Variants in NEURL1B observed in about 807,000 individuals in gnomAD.
NEURL1B encodes E3 ubiquitin-protein ligase NEURL1B.
Under a neutral mutation model 37.4 loss-of-function variants are expected in NEURL1B, and 13 were observed. The ratio of observed to expected loss-of-function variants is 0.35; its 90% CI spans 0.23 to 0.55. The LOEUF is 0.55. NEURL1B is among the 20% of genes least tolerant of loss of function. The pLI is 0.89. For missense variants in NEURL1B, 790 were observed against 879.2 expected (o/e 0.90, Z 1.28); for synonymous variants, 432 against 426.6 (o/e 1.01, Z -0.16).
In NEURL1B at chr5:172,684,082, C is replaced by A; in HGVS notation, c.1241C>A (p.Ala414Glu). The stretch of plus-strand genomic sequence containing the variant: ...CTGCTGTGCGTCGACACCACGCAGG[C>A]GCTCTGGGCCTTCTTCGCCGTGCGC... ...GRLLCVDTTQALWAFFAVRGG... is the reference protein window; with the variant it reads ...GRLLCVDTTQELWAFFAVRGG... The change falls in exon 3 of 5, where the codon GCG becomes GAG. Residue 414 changes from alanine to glutamate, a missense_variant. By Grantham distance (107) the Ala-to-Glu change is moderately radical. Coordinates refer to ENST00000369800, the MANE Select transcript of NEURL1B (RefSeq NM_001142651.3). 1 of 1,295,200 alleles carries A rather than the reference C, an allele frequency of 7.7e-7. No homozygotes were observed. The highest frequency in any genetic ancestry group is 2.1e-5 in the South Asian group (1 of 46,528). 80.2% of individuals were successfully genotyped at this position (1,295,200 alleles called of 1,614,324 possible).
At chr5:172,663,829 T>TTTATTATTATTATTATTA (rs60738970) in intron 1 of NEURL1B, among the ~76,000 whole-genome samples, 321 of 140,838 alleles carry the variant, frequency 2.3e-3, no homozygotes, top group South Asian at 3.1e-3. Flanking sequence ...GTTTTATTTG[T>TTTATTATTATTATTATTA]TTATTATTAT....
At position 172,673,176 on chromosome 5, in the gene NEURL1B, G is replaced by A. The variant is rs143731313; in HGVS notation, c.577+2846G>A. Among the ~76,000 whole-genome samples, 38 of 152,266 alleles carry A rather than the reference G, an allele frequency of 2.5e-4. No individual in the cohort carries two copies. In the East Asian group the frequency reaches 5.4e-3, roughly 22 times the overall value. On this transcript the variant is annotated intron_variant, in intron 2 of 4. Coordinates refer to ENST00000369800, the MANE Select transcript of NEURL1B (RefSeq NM_001142651.3). The stretch of plus-strand genomic sequence containing the variant: ...AAATAAGCTAAGCAGTCATGATTTT[G>A]TATGGTTTAAGTACAGGAGACAAAT...
rs1375403653 is a variant in NEURL1B, at chr5:172,686,322, G to A, written c.1423+26G>A. ...GTAAGGAAATGCAAACCCTGGCAGGGGCAGGGGCTGGCGGCTGGCCTGGCT... is the reference window on the plus strand; with the variant it reads ...GTAAGGAAATGCAAACCCTGGCAGGAGCAGGGGCTGGCGGCTGGCCTGGCT... On this transcript the variant is annotated intron_variant, in intron 4 of 4. Transcript: ENST00000369800. This position sits in a 1 kb window ranked among gnomAD's most constrained non-coding sequence, Gnocchi z 7.9. 1.9e-6 allele frequency: 3 copies of A among 1,550,100 alleles called. No individual in the cohort carries two copies. Among genetic ancestry groups the A allele is most frequent in the Non-Finnish European group, 1.7e-6 (2 of 1,146,214 alleles).
chr5:172,672,545 C>CCG lies in NEURL1B; in HGVS notation c.577+2216_577+2217insGC, dbSNP rs887977714. ...TAAATCTGTGAGGTGAACTCTCCCC[C>CCG]CCCCACTCTATTTCCTTATTCAGCA... On this transcript the variant is annotated intron_variant, in intron 2 of 4. Transcript: ENST00000369800. Among the ~76,000 whole-genome samples the CCG allele has an allele frequency of 2.7e-3, 349 of 130,736 alleles. 3 individuals are homozygous for CCG. The highest frequency in any genetic ancestry group is 7.8e-3 in the African/African-American group (298 of 38,046). 85.8% of individuals were successfully genotyped at this position (130,736 alleles called of 152,430 possible).
At chr5:172,674,737 C>T (rs907961920) in intron 2 of NEURL1B, among the ~76,000 whole-genome samples, 25 of 152,160 alleles carry the variant, frequency 1.6e-4, no homozygotes, top group African/African-American at 4.8e-4. Context: ...TCAAGTTCTT[C>T]GGACGCCTCT....
intron 1 of NEURL1B, among the ~76,000 whole-genome samples, chr5:172,646,732 AG>A (rs951907978): frequency 1.3e-5 from 2 of 152,180 alleles, no homozygotes; most frequent in Non-Finnish European, 1.5e-5. Context: ...CAGAAGATGC[AG>A]GGGAGGCTTC....
rs1025941149 is a variant in NEURL1B, at chr5:172,691,049, T to G, written c.*4124T>G. ...TGGCATTTCTCGGTATTTAACTGTC[T>G]CGCTGTCTTATCCGAGTCCCTAATG... is the stretch of plus-strand genomic sequence containing the variant. On this transcript the variant is annotated 3_prime_UTR_variant, in exon 5 of 5. Transcript: ENST00000369800. The G allele has an allele frequency of 1.3e-5, 2 of 152,186 alleles. No individual in the cohort carries two copies. The highest frequency in any genetic ancestry group is 2.9e-5 in the Non-Finnish European group (2 of 68,052). The allele number at this position is 152,186 out of a possible 1,614,324, so 9.4% of individuals were successfully genotyped here.
At chr5:172,677,399 C>T (rs530675622) in intron 2 of NEURL1B, among the ~76,000 whole-genome samples, 4 of 152,122 alleles carry the variant, frequency 2.6e-5, no homozygotes, top group Non-Finnish European at 5.9e-5. Flanking sequence ...TCCCACTGTT[C>T]TGCCCTCTTT....
intron 1 of NEURL1B, among the ~76,000 whole-genome samples, chr5:172,645,285 C>G (rs1233604573): frequency 6.6e-6 from 1 of 152,196 alleles, no homozygotes; most frequent in Non-Finnish European, 1.5e-5. Flanking sequence ...CCTACGTGGA[C>G]AGTCTGTAAG....
At chr5:172,667,097 C>T (rs1758029694) in intron 1 of NEURL1B, among the ~76,000 whole-genome samples, 3 of 151,866 alleles carry the variant, frequency 2.0e-5, no homozygotes, top group Admixed American at 2.0e-4. Flanking sequence ...TATCTCCCTA[C>T]CCTGTCCTTA....
rs563820368 is a variant in NEURL1B at position 172,686,771 on chromosome 5, T to G, written c.1514T>G (p.Val505Gly). Residue 505 changes from valine to glycine, a missense_variant, in exon 5 of 5, where the codon GTG becomes GGG. By Grantham distance (109) the Val-to-Gly change is moderately radical. This residue lies in a region of NEURL1B where 115 missense variants were observed against 162.6 expected (regional missense o/e 0.71). Transcript: ENST00000369800. The surrounding 1 kb of genome is among the most constrained non-coding windows in gnomAD (Gnocchi z 7.9). ...PAGIKNGECTVCFDGEVDTVI... is the reference protein window; with the variant it reads ...PAGIKNGECTGCFDGEVDTVI... ...GGCATCAAGAATGGCGAGTGCACGG[T>G]GTGCTTCGATGGCGAGGTGGACACG... 6.4e-7 allele frequency: 1 copy of G among 1,551,622 alleles called. No individual in the cohort carries two copies. The highest frequency in any genetic ancestry group is 8.7e-7 in the Non-Finnish European group (1 of 1,147,120).
At chr5:172,670,571 C>T (rs1758109090) in intron 2 of NEURL1B, among the ~76,000 whole-genome samples, 1 of 152,234 alleles carries the variant, frequency 6.6e-6, no homozygotes, top group African/African-American at 2.4e-5. Context: ...GATTGGAACC[C>T]ACATGGTTTG....
chr5:172,670,003 C>T lies in NEURL1B; in HGVS notation c.250C>T (p.Leu84=). The change falls in exon 2 of 5, where the codon CTG becomes TTG. Residue 84 remains leucine (L), a synonymous_variant. Transcript: ENST00000369800. ...RPIRLYEQVR[L]RLVAVRPGWS... ...CATCCGGCTGTACGAGCAGGTGCGG[C>T]TGCGCCTGGTGGCCGTGCGCCCTGG... 1.3e-6 allele frequency: 2 copies of T among 1,483,768 alleles called. No homozygotes were observed. The highest frequency in any genetic ancestry group is 1.8e-6 in the Non-Finnish European group (2 of 1,122,978). 91.9% of individuals were successfully genotyped at this position (1,483,768 alleles called of 1,614,324 possible).
At position 172,688,460 on chromosome 5, in the gene NEURL1B, A is replaced by C. The variant is rs1758559086; in HGVS notation, c.*1535A>C. The stretch of plus-strand genomic sequence containing the variant: ...GAGGGAGAGGAAGGCAGGGGAGTTG[A>C]TGCATTCATATAACAAACACTGCTG... On this transcript the variant is annotated 3_prime_UTR_variant, in exon 5 of 5. Transcript: ENST00000369800. The surrounding 1 kb of genome is among the most constrained non-coding windows in gnomAD (Gnocchi z 4.3). The C allele has an allele frequency of 6.6e-6, 1 of 152,470 alleles. No individual in the cohort carries two copies. Among genetic ancestry groups the C allele is most frequent in the Admixed American group, 6.5e-5 (1 of 15,290 alleles). 9.4% of individuals were successfully genotyped at this position (152,470 alleles called of 1,614,324 possible). A position where few individuals can be genotyped will look rare whatever the true frequency, so the allele number is the denominator to read the frequency against.
chr5:172,662,089 G>C (rs1422939941), intron 1 of NEURL1B: 2 of 152,288 alleles, frequency 1.3e-5, no homozygotes. Context: ...CTAGTCAAAG[G>C]AACTAAATAA....
At chr5:172,652,792 G>A (rs1165352115) in intron 1 of NEURL1B, among the ~76,000 whole-genome samples, 1 of 152,248 alleles carries the variant, frequency 6.6e-6, no homozygotes, top group African/African-American at 2.4e-5. Context: ...GCAATAGTTT[G>A]AGGTGAAATT....
intron 1 of NEURL1B, among the ~76,000 whole-genome samples, chr5:172,663,658 T>TA (rs1270413705): frequency 6.6e-6 from 1 of 151,582 alleles, no homozygotes; most frequent in Non-Finnish European, 1.5e-5. Flanking sequence ...CACTTCTTCT[T>TA]AGAGTCCCTG....
rs915579379 is a variant in NEURL1B at position 172,675,608 on chromosome 5, A to T, written c.577+5278A>T. ...GGAGCCAGGAGAGGAAGCTTCTGCCAGGCCATGCGCTCCCTTCCCTCCCTT... is the reference window on the plus strand; with the variant it reads ...GGAGCCAGGAGAGGAAGCTTCTGCCTGGCCATGCGCTCCCTTCCCTCCCTT... On this transcript the variant is annotated intron_variant, in intron 2 of 4. Transcript: ENST00000369800. The surrounding 1 kb of genome is among the most constrained non-coding windows in gnomAD (Gnocchi z 4.7). 7.7e-6 allele frequency among the ~76,000 whole-genome samples: 1 copy of T among 130,350 alleles called. No homozygotes were observed. The highest frequency in any genetic ancestry group is 1.7e-5 in the Non-Finnish European group (1 of 58,214). The allele number at this position is 130,350 out of a possible 152,430, so 85.5% of individuals were successfully genotyped here.
intron 2 of NEURL1B, among the ~76,000 whole-genome samples, chr5:172,681,909 ATGTT>A (rs1345553704): frequency 6.6e-6 from 1 of 152,260 alleles, no homozygotes; most frequent in African/African-American, 2.4e-5. Context: ...GTAAACAAAA[ATGTT>A]TGTATCACTA....
Sources: gnomAD v4.1 joint callset for allele counts (sites outside exome capture counted in the v4.1 genomes callset) on GRCh38, gnomAD v4.1.1 for gene constraint, gnomAD v4.1.1 regional missense constraint, Gnocchi (gnomAD v3.1) non-coding constraint, MANE v1.5 for transcripts, NCBI Gene and HGNC (gene_info 2026-07-23, HGNC 2026-07-21) for gene names.